PCDHA6: variants seen among roughly 807,000 people sequenced by gnomAD.
PCDHA6 encodes protocadherin alpha 6.
PCDHA6 carries 55 observed loss-of-function variants against 60.3 expected under a neutral mutation model. That is an observed-to-expected ratio of 0.91 (90% confidence interval 0.73 to 1.14). The LOEUF is 1.14. Ranked by LOEUF, PCDHA6 falls within the 50% of genes most tolerant of loss-of-function variation. The pLI, the probability that PCDHA6 is intolerant of heterozygous loss-of-function variation, is 0.00. For synonymous variants in PCDHA6, 652 were observed against 557.9 expected (o/e 1.17, Z -2.38); for missense variants, 1,327 against 1,256.5 (o/e 1.06, Z -0.85).
At chr5:140,883,208 A>C in intron 1 of PCDHA6, 3 of 1,614,034 alleles carry the variant, frequency 1.9e-6, no homozygotes, top group Non-Finnish European at 1.7e-6. Context: ...CGAAGAAAAG[A>C]AATTATATGA....
At chr5:140,882,400 C>T (rs782194379) in intron 1 of PCDHA6, 10 of 1,614,172 alleles carry the variant, frequency 6.2e-6, no homozygotes, top group Admixed American at 3.3e-5. Context: ...ACGGCACCTT[C>T]GTGGGCCGCA....
chr5:140,829,618 G>A lies in PCDHA6; in HGVS notation c.1527G>A (p.Ser509=), dbSNP rs2150171379. Residue 509 remains serine (S), a synonymous_variant, in exon 1 of 4, where the codon TCG becomes TCA. Transcript: ENST00000529310. ...VGERALSSYI[S]VHAESGKVYA... ...AGCGCGCGTTGTCGAGCTACATTTC[G>A]GTGCACGCGGAGAGCGGCAAGGTGT... The A allele has an allele frequency of 3.1e-6, 5 of 1,612,188 alleles. No individual in the cohort carries two copies. Among genetic ancestry groups the A allele is most frequent in the Middle Eastern group, 2.1e-4 (1 of 4,816 alleles).
intron 1 of PCDHA6, among the ~76,000 whole-genome samples, chr5:140,909,474 C>G (rs1554193804): frequency 6.6e-6 from 1 of 152,182 alleles, no homozygotes; most frequent in African/African-American, 2.4e-5. Context: ...TCTTCACAGG[C>G]TAAATAGGAG....
rs572947059 is a variant in PCDHA6 at position 141,007,735 on chromosome 5, A to G, written c.2543-1892A>G. Reference sequence around the variant, plus strand: ...CCACCAGGGAGAACAAAGGTTAACCACTGAAGATAACTTTGGACTCTTATT... The same window carrying G: ...CCACCAGGGAGAACAAAGGTTAACCGCTGAAGATAACTTTGGACTCTTATT... On this transcript the variant is annotated intron_variant, in intron 3 of 3. Coordinates refer to ENST00000529310, the MANE Select transcript of PCDHA6 (RefSeq NM_018909.4). Among the ~76,000 whole-genome samples, 58 of 152,336 alleles carry G rather than the reference A, an allele frequency of 3.8e-4. 1 individual carries two copies. Among genetic ancestry groups the G allele is most frequent in the South Asian group, 2.9e-3 (14 of 4,824 alleles).
chr5:140,836,236 C>A lies in PCDHA6; in HGVS notation c.2394+5751C>A, dbSNP rs2150256110. On this transcript the variant is annotated intron_variant, in intron 1 of 3. Coordinates refer to ENST00000529310, the MANE Select transcript of PCDHA6 (RefSeq NM_018909.4). ...GAGTTGCAACCGGTGGCGGCCGGTG[C>A]GAGCATCCCGTTCCGCGTGGGGCTG... 5 of 1,613,676 alleles carry A rather than the reference C, an allele frequency of 3.1e-6. No individual in the cohort carries two copies. The East Asian group carries it at 6.7e-5, about 22-fold the overall frequency.
At chr5:140,836,935 T>C in intron 1 of PCDHA6, 1 of 475,564 alleles carries the variant, frequency 2.1e-6, no homozygotes. Context: ...CGTAATACTA[T>C]AGATCAAAAT....
Position 140,851,540 on chromosome 5 carries a change from T to C in PCDHA6, c.2394+21055T>C, listed in dbSNP as rs374686932. 3.9e-5 allele frequency: 35 copies of C among 908,070 alleles called. 3 individuals carry two copies. The East Asian group carries it at 1.2e-3, about 30-fold the overall frequency. 56.3% of individuals were successfully genotyped at this position (908,070 alleles called of 1,614,324 possible). A position where few individuals can be genotyped will look rare whatever the true frequency, so the allele number is the denominator to read the frequency against. On this transcript the variant is annotated intron_variant, in intron 1 of 3. Coordinates refer to ENST00000529310, the MANE Select transcript of PCDHA6 (RefSeq NM_018909.4). ...TTAAAATGCCTGACAATGTAGATAA[T>C]TCAAGAAATGTTGACTGAAATTTTG...
At chr5:141,001,683 C>T (rs1042436989) in intron 3 of PCDHA6, among the ~76,000 whole-genome samples, 1 of 152,030 alleles carries the variant, frequency 6.6e-6, no homozygotes, top group Non-Finnish European at 1.5e-5. Flanking sequence ...TCCAACAAAC[C>T]CCACAGATGG....
chr5:140,848,354 C>G (rs1427419086), intron 1 of PCDHA6: 1 of 1,023,830 alleles, frequency 9.8e-7, no homozygotes, highest in African/African-American at 1.6e-5. Flanking sequence ...AGCCCTTTTC[C>G]CATGGGAAAG....
chr5:140,926,569 A>T (rs1245214494), intron 1 of PCDHA6: 1 of 261,750 alleles, frequency 3.8e-6, no homozygotes, highest in Admixed American at 5.3e-5. Context: ...CTGCTACTGG[A>T]GACAGCACCT....
chr5:140,886,463 GT>G (rs1387154249), intron 1 of PCDHA6, among the ~76,000 whole-genome samples: 5 of 152,042 alleles, frequency 3.3e-5, no homozygotes, highest in East Asian at 1.9e-4. Flanking sequence ...ATATATAAAT[GT>G]TTTTAAAATG....
At chr5:140,835,476 C>T in intron 1 of PCDHA6, 3 of 1,613,922 alleles carry the variant, frequency 1.9e-6, no homozygotes, top group Non-Finnish European at 2.5e-6. Flanking sequence ...GGACGCCCAA[C>T]CAGGTACCGT....
In PCDHA6 at chr5:140,872,848, A is replaced by G. The variant is rs531539520; in HGVS notation, c.2394+42363A>G. ...AGCAGAGAAAAAATTAAATATATTA[A>G]TGTGAGTACCTACTGACAATTATCA... On this transcript the variant is annotated intron_variant, in intron 1 of 3. Transcript: ENST00000529310. Among the ~76,000 whole-genome samples the G allele has an allele frequency of 3.3e-5, 5 of 152,332 alleles. No individual in the cohort carries two copies. The South Asian group carries it at 1.0e-3, about 32-fold the overall frequency.
rs1769477096 is a variant in PCDHA6, at chr5:140,827,987, AT to A, written c.-104del. The A allele has an allele frequency of 3.4e-6, 5 of 1,461,712 alleles. No individual in the cohort carries two copies. The highest frequency in any genetic ancestry group is 4.6e-6 in the Non-Finnish European group (5 of 1,086,674). The allele number at this position is 1,461,712 out of a possible 1,614,324, so 90.5% of individuals were successfully genotyped here. A position where few individuals can be genotyped will look rare whatever the true frequency, so the allele number is the denominator to read the frequency against. ...TACTGCATCATTCCCTGACTGTTGA[AT>A]GATGGCGGACGCAGAAGAAATGGAT... On this transcript the variant is annotated 5_prime_UTR_variant, in exon 1 of 4. It removes an upstream start codon present in the reference 5' UTR. Transcript: ENST00000529310.
chr5:140,875,505 C>T, intron 1 of PCDHA6: 6 of 1,613,560 alleles, frequency 3.7e-6, no homozygotes, highest in Non-Finnish European at 5.1e-6. Context: ...GCCCGGGATC[C>T]CAGCGTCTGC....
intron 1 of PCDHA6, among the ~76,000 whole-genome samples, chr5:140,950,804 A>G (rs1360919239): frequency 6.6e-6 from 1 of 152,090 alleles, no homozygotes; most frequent in African/African-American, 2.4e-5. Context: ...GTCTGGTTTT[A>G]CCATAGTAGG....
At chr5:140,885,424 A>G (rs1311599501) in intron 1 of PCDHA6, among the ~76,000 whole-genome samples, 4 of 152,148 alleles carry the variant, frequency 2.6e-5, no homozygotes, top group African/African-American at 7.2e-5. Context: ...AGTATTCCAC[A>G]GTGTAAGTGT....
chr5:140,979,006 A>G lies in PCDHA6; in HGVS notation c.2452A>G (p.Ser818Gly), dbSNP rs149397164. ...TGCCTCCCTGAGAGCAGGCATGCAC[A>G]GGTATGTATTTCCCTCCTCATTCAC... ...YSASLRAGMH[S>G]SVHLEEAGIL... Residue 818 changes from serine (S) to glycine (G), a missense_variant and splice_region_variant, in exon 2 of 4, where the codon AGC becomes GGC. Ser to Gly is a moderately conservative substitution (Grantham distance 56). Coordinates refer to ENST00000529310, the MANE Select transcript of PCDHA6 (RefSeq NM_018909.4). The G allele has an allele frequency of 4.3e-6, 7 of 1,614,000 alleles. No individual in the cohort carries two copies. The highest frequency in any genetic ancestry group is 5.1e-6 in the Non-Finnish European group (6 of 1,179,938).
intron 1 of PCDHA6, among the ~76,000 whole-genome samples, chr5:140,897,257 T>C (rs1554187284): frequency 6.6e-6 from 1 of 151,916 alleles, no homozygotes; most frequent in Non-Finnish European, 1.5e-5. Context: ...TATGTATACA[T>C]GTGCCATGCT....
Sources: gnomAD v4.1 joint callset for allele counts (sites outside exome capture counted in the v4.1 genomes callset) on GRCh38, gnomAD v4.1.1 for gene constraint, MANE v1.5 for transcripts, NCBI Gene and HGNC (gene_info 2026-07-23, HGNC 2026-07-21) for gene names.